KANK1: variants seen among roughly 807,000 people sequenced by gnomAD.
KANK1 encodes KN motif and ankyrin repeat domains 1.
A neutral mutation model predicts 106.2 loss-of-function variants in KANK1; 109 were observed. The observed-to-expected ratio is 1.03, with a 90% CI of 0.88 to 1.20. The LOEUF is 1.20. Ranked by LOEUF, KANK1 falls within the 50% of genes most tolerant of loss-of-function variation. The pLI is 0.00. For missense variants in KANK1, 2,399 were observed against 1,710.7 expected (o/e 1.40, Z -7.10); for synonymous variants, 873 against 652.2 (o/e 1.34, Z -5.16).
At chr9:535,332 C>A (rs530709422) in intron 1 of KANK1, among the ~76,000 whole-genome samples, 13 of 152,174 alleles carry the variant, frequency 8.5e-5, no homozygotes, top group Non-Finnish European at 1.8e-4. Context: ...AAAGGCCCTA[C>A]GTCTTCCCTG....
chr9:713,518 T>A, intron 3 of KANK1, 54 bp downstream of exon 3: 1 of 1,503,868 alleles, frequency 6.6e-7, no homozygotes, highest in Non-Finnish European at 8.9e-7. Context: ...AAAATGTCTT[T>A]CCAGAAGCTA....
At position 606,620 on chromosome 9, in the gene KANK1, A is replaced by ATT. The variant is rs149946062; in HGVS notation, c.-83-70268_-83-70267dup. ...AATATGTGTGTGTGTGTGTGTATAT[A>ATT]TTTATATATTTATATATATTACATA... On this transcript the variant is annotated intron_variant, in intron 1 of 11. Coordinates refer to ENST00000382297, the MANE Select transcript of KANK1 (RefSeq NM_015158.5). Among the ~76,000 whole-genome samples the ATT allele has an allele frequency of 6.1e-3, 869 of 142,816 alleles. 124 individuals carry two copies. The highest frequency in any genetic ancestry group is 0.024 in the African/African-American group (821 of 34,330). The allele number at this position is 142,816 out of a possible 152,430, so 93.7% of individuals were successfully genotyped here.
intron 1 of KANK1, among the ~76,000 whole-genome samples, chr9:552,629 G>A (rs1267657001): frequency 2.0e-5 from 3 of 152,148 alleles, no homozygotes; most frequent in Non-Finnish European, 4.4e-5. Context: ...CTTCAGCCCT[G>A]CCAAAATGTA....
chr9:603,446 A>G (rs79564910), intron 1 of KANK1, among the ~76,000 whole-genome samples: 6,659 of 151,870 alleles, frequency 0.044, 182 homozygotes, highest in Non-Finnish European at 0.054. Flanking sequence ...TGTGTCTTCC[A>G]TCTAATGTAA....
chr9:717,395 C>T (rs1271723259), intron 3 of KANK1, among the ~76,000 whole-genome samples: 1 of 152,224 alleles, frequency 6.6e-6, no homozygotes, highest in African/African-American at 2.4e-5. Context: ...TTGGTATTTA[C>T]AGATGTCCAT....
chr9:612,099 A>T (rs1323201008), intron 1 of KANK1, among the ~76,000 whole-genome samples: 1 of 152,180 alleles, frequency 6.6e-6, no homozygotes, highest in Non-Finnish European at 1.5e-5. Flanking sequence ...TGCATAATGA[A>T]CACACATATT....
rs190211632 is a variant in KANK1, at chr9:594,046, A to G, written c.-83-82844A>G. ...AGCTGACTGCCCTGGGGTCTGATCT[A>G]TGGTGCTGCGCTCGAGAGAACTGTA... On this transcript the variant is annotated intron_variant, in intron 1 of 11. Transcript: ENST00000382297. Among the ~76,000 whole-genome samples, 157 of 151,956 alleles carry G rather than the reference A, an allele frequency of 1.0e-3. 1 individual carries two copies. The highest frequency in any genetic ancestry group is 0.01 in the Middle Eastern group (3 of 294).
At chr9:658,240 T>A (rs1842561378) in intron 1 of KANK1, among the ~76,000 whole-genome samples, 1 of 152,098 alleles carries the variant, frequency 6.6e-6, no homozygotes, top group South Asian at 2.1e-4. Flanking sequence ...ACAAAACACT[T>A]AAAAATAAGA....
At chr9:706,648 G>A (rs1485129205) in intron 2 of KANK1, among the ~76,000 whole-genome samples, 1 of 149,716 alleles carries the variant, frequency 6.7e-6, no homozygotes, top group African/African-American at 2.5e-5. Flanking sequence ...CATTTTTTAA[G>A]AAGAACTTTT....
rs373590216 is a variant in KANK1, at chr9:693,070, C to G, written c.37+16061C>G. ...TAGGGGAACATACCATTCTTACTAA[C>G]TTTTTGAAACAAAAACAAAGGTTGC... is the stretch of plus-strand genomic sequence containing the variant. On this transcript the variant is annotated intron_variant, in intron 2 of 11. Coordinates refer to ENST00000382297, the MANE Select transcript of KANK1 (RefSeq NM_015158.5). Among the ~76,000 whole-genome samples the G allele has an allele frequency of 7.9e-5, 12 of 151,900 alleles. No individual in the cohort carries two copies. The East Asian group carries it at 2.1e-3, about 27-fold the overall frequency.
chr9:712,558 A>G lies in KANK1; in HGVS notation c.1792A>G (p.Ser598Gly). 6.2e-7 allele frequency: 1 copy of G among 1,614,208 alleles called. No homozygotes were observed. Among genetic ancestry groups the G allele is most frequent in the Non-Finnish European group, 8.5e-7 (1 of 1,180,048 alleles). Residue 598 changes from serine (S) to glycine (G), a missense_variant, in exon 3 of 12, where the codon AGC (serine) becomes GGC (glycine). By Grantham distance (56) the Ser-to-Gly change is moderately conservative. Coordinates refer to ENST00000382297, the MANE Select transcript of KANK1 (RefSeq NM_015158.5). ...MCDKSVSVEV[S>G]VCETGSNTEE... Reference sequence around the variant, plus strand: ...TGACAAGAGTGTGAGTGTGGAAGTCAGCGTCTGCGAAACAGGCAGCAACAC... The same window carrying G: ...TGACAAGAGTGTGAGTGTGGAAGTCGGCGTCTGCGAAACAGGCAGCAACAC...
intron 1 of KANK1, among the ~76,000 whole-genome samples, chr9:640,590 T>C (rs999865927): frequency 2.6e-5 from 4 of 151,558 alleles, no homozygotes; most frequent in Admixed American, 2.0e-4. Context: ...ACAGATGGGG[T>C]TTCATTATGT....
intron 1 of KANK1, among the ~76,000 whole-genome samples, chr9:608,899 A>C (rs2094840770): frequency 1.3e-5 from 2 of 152,346 alleles, no homozygotes; most frequent in African/African-American, 4.8e-5. Context: ...GCATTCATAC[A>C]CATTGCTTCA....
At chr9:521,032 C>G (rs776802215) in intron 1 of KANK1, among the ~76,000 whole-genome samples, 1 of 151,746 alleles carries the variant, frequency 6.6e-6, no homozygotes, top group African/African-American at 2.4e-5. Flanking sequence ...TTTATTAAGG[C>G]CTCATCAGTC....
chr9:613,756 T>C (rs981312513), intron 1 of KANK1, among the ~76,000 whole-genome samples: 1 of 152,144 alleles, frequency 6.6e-6, no homozygotes, highest in Non-Finnish European at 1.5e-5. Flanking sequence ...ACTTTAAAAA[T>C]ACAGGTTCAT....
At chr9:592,695 A>G (rs1265198665) in intron 1 of KANK1, among the ~76,000 whole-genome samples, 3 of 151,960 alleles carry the variant, frequency 2.0e-5, no homozygotes, top group Admixed American at 6.5e-5. Context: ...TTTTATCTGT[A>G]TGAAACTTAG....
At chr9:653,442 A>T (rs994938712) in intron 1 of KANK1, among the ~76,000 whole-genome samples, 2 of 152,112 alleles carry the variant, frequency 1.3e-5, no homozygotes, top group Non-Finnish European at 2.9e-5. Flanking sequence ...ATAAGAGAAG[A>T]TTAAATTAAT....
At chr9:585,443 G>A (rs765975301) in intron 1 of KANK1, among the ~76,000 whole-genome samples, 1 of 152,156 alleles carries the variant, frequency 6.6e-6, no homozygotes, top group Non-Finnish European at 1.5e-5. Context: ...CAAGCTCCTT[G>A]TATCAGCCTC....
chr9:482,442 T>C (rs766488627), intron 3 of KANK1, among the ~76,000 whole-genome samples: 18 of 152,334 alleles, frequency 1.2e-4, no homozygotes, highest in Admixed American at 1.3e-4. Context: ...GAATCTGTGC[T>C]GAGCCCAGGG....
Sources: gnomAD v4.1 joint callset for allele counts (sites outside exome capture counted in the v4.1 genomes callset) on GRCh38, gnomAD v4.1.1 for gene constraint, MANE v1.5 for transcripts, NCBI Gene and HGNC (gene_info 2026-07-23, HGNC 2026-07-21) for gene names.